Variants in JARID2 observed in about 807,000 individuals in gnomAD.
The protein encoded by JARID2 is jumonji and AT-rich interaction domain containing 2.
A neutral mutation model predicts 125.6 loss-of-function variants in JARID2; 21 were observed. The ratio of observed to expected loss-of-function variants is 0.17; its 90% CI spans 0.12 to 0.24. The LOEUF (loss-of-function observed/expected upper bound fraction) is 0.24, where lower values mean the gene tolerates loss of function less well. JARID2 is among the 10% of genes least tolerant of loss of function. The probability of loss-of-function intolerance (pLI) is 1.00; values close to 1 mark genes in which losing one functional copy is unlikely to be tolerated. For missense variants in JARID2, 1,303 were observed against 1,639.6 expected (o/e 0.79, Z 3.55); for synonymous variants, 736 against 661.6 (o/e 1.11, Z -1.73).
At chr6:15,471,918 CTG>C (rs1769094384) in intron 5 of JARID2, among the ~76,000 whole-genome samples, 1 of 152,262 alleles carries the variant, frequency 6.6e-6, no homozygotes, top group African/African-American at 2.4e-5. Flanking sequence ...ATACATATCT[CTG>C]TGCATTTACA....
intron 1 of JARID2, among the ~76,000 whole-genome samples, chr6:15,263,918 G>T (rs547737964): frequency 6.6e-6 from 1 of 152,134 alleles, no homozygotes; most frequent in South Asian, 2.1e-4. Context: ...TTAGATACAG[G>T]GTGTCGCTGT....
intron 1 of JARID2, among the ~76,000 whole-genome samples, chr6:15,364,020 A>AAAAT (rs1191240395): frequency 6.6e-6 from 1 of 152,172 alleles, no homozygotes; most frequent in Non-Finnish European, 1.5e-5. Flanking sequence ...GAGATAGACA[A>AAAAT]AAATAAACTG....
At chr6:15,293,316 G>C (rs1325039248) in intron 1 of JARID2, among the ~76,000 whole-genome samples, 1 of 152,190 alleles carries the variant, frequency 6.6e-6, no homozygotes, top group Admixed American at 6.5e-5. Context: ...TGGGGAGGCT[G>C]TGGCAGGAGA....
Position 15,517,282 on chromosome 6 carries a change from C to A in JARID2, c.3558+14C>A. 1 of 1,587,288 alleles carries A rather than the reference C, an allele frequency of 6.3e-7. No individual in the cohort carries two copies. Among genetic ancestry groups the A allele is most frequent in the Non-Finnish European group, 8.7e-7 (1 of 1,155,746 alleles). Reference sequence around the variant, plus strand: ...CGCTACGATGAGGTCAGTCCCTGCCCGCGGGGTAGGGCAGGGCGGCAGCGT... The same window carrying A: ...CGCTACGATGAGGTCAGTCCCTGCCAGCGGGGTAGGGCAGGGCGGCAGCGT... On this transcript the variant is annotated intron_variant, in intron 17 of 17. Coordinates refer to ENST00000341776, the MANE Select transcript of JARID2 (RefSeq NM_004973.4).
intron 1 of JARID2, among the ~76,000 whole-genome samples, chr6:15,373,087 T>G (rs1408202182): frequency 1.3e-5 from 2 of 152,214 alleles, no homozygotes; most frequent in Non-Finnish European, 2.9e-5. Context: ...CCTTCTTAGA[T>G]TAACAGCTAC....
chr6:15,350,918 C>T (rs544901908), intron 1 of JARID2, among the ~76,000 whole-genome samples: 2 of 151,828 alleles, frequency 1.3e-5, no homozygotes, highest in African/African-American at 4.8e-5. Context: ...TATGTTAGGT[C>T]CTCAAGGATT....
At chr6:15,418,416 A>G (rs886710657) in intron 3 of JARID2, among the ~76,000 whole-genome samples, 3 of 152,046 alleles carry the variant, frequency 2.0e-5, no homozygotes, top group Non-Finnish European at 2.9e-5. Context: ...CGGTTTCACC[A>G]TGTTGGCCAG....
At chr6:15,411,767 A>G (rs760888771) in intron 3 of JARID2, among the ~76,000 whole-genome samples, 2 of 152,216 alleles carry the variant, frequency 1.3e-5, no homozygotes, top group African/African-American at 2.4e-5. Context: ...ATCAACTTTC[A>G]TCTCCATTTG....
At chr6:15,487,022 A>AG (rs1034547844) in intron 5 of JARID2, among the ~76,000 whole-genome samples, 6 of 152,126 alleles carry the variant, frequency 3.9e-5, no homozygotes, top group African/African-American at 1.4e-4. Flanking sequence ...TGGAAGTCGA[A>AG]GGGGAAGCAA....
intron 1 of JARID2, among the ~76,000 whole-genome samples, chr6:15,252,478 G>A (rs1281570310): frequency 1.3e-5 from 2 of 152,126 alleles, no homozygotes; most frequent in African/African-American, 4.8e-5. Context: ...GTAAAGTGTG[G>A]ATCAGTTTAA....
intron 1 of JARID2, among the ~76,000 whole-genome samples, chr6:15,334,890 A>G (rs1762827359): frequency 6.6e-6 from 1 of 152,102 alleles, no homozygotes; most frequent in African/African-American, 2.4e-5. Context: ...GAATATTGCT[A>G]TTTTCATTGG....
chr6:15,396,901 G>A (rs554398674), intron 2 of JARID2, among the ~76,000 whole-genome samples: 18 of 152,270 alleles, frequency 1.2e-4, no homozygotes, highest in African/African-American at 4.1e-4. Context: ...CCATCACCCA[G>A]TCCGGGTCAC....
chr6:15,372,742 C>T (rs2127513458), intron 1 of JARID2, among the ~76,000 whole-genome samples: 1 of 152,060 alleles, frequency 6.6e-6, no homozygotes, highest in East Asian at 1.9e-4. Flanking sequence ...CTGAGTCTCA[C>T]TCTGTCTCCC....
At chr6:15,382,581 A>G (rs1168460818) in intron 2 of JARID2, among the ~76,000 whole-genome samples, 2 of 152,170 alleles carry the variant, frequency 1.3e-5, no homozygotes, top group Non-Finnish European at 2.9e-5. Flanking sequence ...TAGAGCAGGA[A>G]GAGTCTTTTT....
At position 15,496,982 on chromosome 6, in the gene JARID2, T is replaced by C; in HGVS notation, c.1757T>C (p.Met586Thr). ...CGCGCTCAGGTGGAGAAGTTCGGGATGTGCAGGGTGATCCCCCCTCCGGAC... is the reference window on the plus strand; with the variant it reads ...CGCGCTCAGGTGGAGAAGTTCGGGACGTGCAGGGTGATCCCCCCTCCGGAC... ...SVRAQVEKFG[M>T]CRVIPPPDWR... Residue 586 changes from methionine (M) to threonine (T), a missense_variant, in exon 7 of 18, where the codon ATG becomes ACG. Coordinates refer to ENST00000341776, the MANE Select transcript of JARID2 (RefSeq NM_004973.4). The C allele has an allele frequency of 6.2e-7, 1 of 1,613,892 alleles. No individual in the cohort carries two copies. The highest frequency in any genetic ancestry group is 8.5e-7 in the Non-Finnish European group (1 of 1,179,862).
At chr6:15,422,016 CTG>C (rs1380696530) in intron 3 of JARID2, among the ~76,000 whole-genome samples, 2 of 152,188 alleles carry the variant, frequency 1.3e-5, no homozygotes, top group Non-Finnish European at 2.9e-5. Context: ...TCATTATAAA[CTG>C]AGCGATGGAT....
rs139872447 is a variant in JARID2 at position 15,521,136 on chromosome 6, C to T, written c.*885C>T. ...GCCGTAAGTGCTTCTTTGTCATCGA[C>T]GTGCAATCTTTCTAACATTCCATCT... On this transcript the variant is annotated 3_prime_UTR_variant, in exon 18 of 18. Transcript: ENST00000341776. 1.6e-3 allele frequency: 271 copies of T among 164,826 alleles called. 2 individuals carry two copies. Among genetic ancestry groups the T allele is most frequent in the African/African-American group, 5.8e-3 (239 of 40,982 alleles). 10.2% of individuals were successfully genotyped at this position (164,826 alleles called of 1,614,324 possible).
At chr6:15,317,398 G>A (rs1221436700) in intron 1 of JARID2, among the ~76,000 whole-genome samples, 1 of 152,150 alleles carries the variant, frequency 6.6e-6, no homozygotes, top group Non-Finnish European at 1.5e-5. Context: ...GTGATGCATA[G>A]GTTTGCAGGT....
intron 7 of JARID2, among the ~76,000 whole-genome samples, chr6:15,500,034 G>T (rs1581650942): frequency 6.6e-6 from 1 of 152,176 alleles, no homozygotes; most frequent in South Asian, 2.1e-4. Context: ...TTGTTAATTT[G>T]TACTTTGTTT....
Sources: gnomAD v4.1 joint callset for allele counts (sites outside exome capture counted in the v4.1 genomes callset) on GRCh38, gnomAD v4.1.1 for gene constraint, MANE v1.5 for transcripts, NCBI Gene and HGNC (gene_info 2026-07-23, HGNC 2026-07-21) for gene names.